The following RPL7 variants were observed in gnomAD, a reference collection of about 807,000 sequenced individuals.
RPL7 encodes the protein ribosomal protein L7, also known as large ribosomal subunit protein uL30.
For synonymous variants in RPL7, 100 were observed against 102.2 expected (o/e 0.98, Z 0.13); for missense variants, 205 against 301.9 (o/e 0.68, Z 2.38).
chr8:73,292,674 A>C lies in RPL7; in HGVS notation c.123+15T>G. On this transcript the variant is annotated intron_variant, in intron 2 of 6. Coordinates refer to ENST00000352983, the MANE Select transcript of RPL7 (RefSeq NM_000971.4). ...GCGCCTCCTTATGTGCTAGTGCCTC[A>C]AAAAGTTTACTTACCATCTTTTGGG... 6.3e-7 allele frequency: 1 copy of C among 1,598,724 alleles called. No homozygotes were observed. The highest frequency in any genetic ancestry group is 8.5e-7 in the Non-Finnish European group (1 of 1,170,740).
In RPL7 at chr8:73,293,108, A is replaced by G. The variant is rs78462556; in HGVS notation, c.15-311T>C. ...ACAAAAAAAACACACCAACACCCGA[A>G]TAACAAAATGTACTAGCTGAAAGAC... On this transcript the variant is annotated intron_variant, in intron 1 of 6. Coordinates refer to ENST00000352983, the MANE Select transcript of RPL7 (RefSeq NM_000971.4). 1,361 of 293,716 alleles carry G rather than the reference A, an allele frequency of 4.6e-3. 29 individuals carry two copies. Among genetic ancestry groups the G allele is most frequent in the East Asian group, 0.044 (727 of 16,372 alleles). 18.2% of individuals were successfully genotyped at this position (293,716 alleles called of 1,614,324 possible). A position where few individuals can be genotyped will look rare whatever the true frequency, so the allele number is the denominator to read the frequency against.
chr8:73,290,978 A>G, intron 6 of RPL7, 65 bp downstream of exon 6: 2 of 1,259,786 alleles, frequency 1.6e-6, no homozygotes, highest in Non-Finnish European at 2.3e-6. Flanking sequence ...TGGGAAAAGT[A>G]TTCAAGATTA....
intron 3 of RPL7, 71 bp downstream of exon 3, chr8:73,292,168 C>T (rs1814113428): frequency 5.0e-6 from 7 of 1,411,646 alleles, no homozygotes; most frequent in Non-Finnish European, 6.8e-6. Context: ...AGAATCAGGG[C>T]TCCCAGAAGT....
rs1194456029 is a variant in RPL7 at position 73,291,820 on chromosome 8, C to T, written c.381G>A (p.Lys127=). Residue 127 remains lysine, a synonymous_variant, in exon 4 of 7, where the codon AAG becomes AAA. Coordinates refer to ENST00000352983, the MANE Select transcript of RPL7 (RefSeq NM_000971.4). ...IFNGTFVKLN[K]ASINMLRIVE... ...CAATCCTCAGCATGTTAATCGAAGC[C>T]TTGTTGAGCTTCACAAAGGTTCCAT... 1 of 1,612,478 alleles carries T rather than the reference C, an allele frequency of 6.2e-7. No individual in the cohort carries two copies. The highest frequency in any genetic ancestry group is 2.2e-5 in the East Asian group (1 of 44,816).
chr8:73,291,439 C>G, intron 5 of RPL7, 113 bp downstream of exon 5: 1 of 922,512 alleles, frequency 1.1e-6, no homozygotes, highest in Non-Finnish European at 1.6e-6. Flanking sequence ...TAAGCTAAAT[C>G]AAGAATCATA....
chr8:73,292,675 A>G lies in RPL7; in HGVS notation c.123+14T>C, dbSNP rs1351023148. The G allele has an allele frequency of 1.2e-5, 20 of 1,600,682 alleles. No homozygotes were observed. The highest frequency in any genetic ancestry group is 1.7e-5 in the Non-Finnish European group (20 of 1,172,354). ...CGCCTCCTTATGTGCTAGTGCCTCA[A>G]AAAGTTTACTTACCATCTTTTGGGC... On this transcript the variant is annotated intron_variant, in intron 2 of 6. Transcript: ENST00000352983.
chr8:73,292,215 C>T (rs747887504), intron 3 of RPL7, 24 bp downstream of exon 3: 6 of 1,593,280 alleles, frequency 3.8e-6, no homozygotes, highest in East Asian at 4.5e-5. Flanking sequence ...CATTCAAACC[C>T]GAATGCAGTA....
At position 73,292,744 on chromosome 8, in the gene RPL7, C is replaced by G. The variant is rs944470333; in HGVS notation, c.68G>C (p.Arg23Thr). The stretch of plus-strand genomic sequence containing the variant: ...CTTGATCTTCAGCTCTGCGAAATTC[C>G]TTCGCTTTTTCTTAAGGGTTTCTGG... ...AVPETLKKKR[R>T]NFAELKIKRL... Residue 23 changes from arginine to threonine, a missense_variant, in exon 2 of 7, where the codon AGG (arginine) becomes ACG (threonine). By Grantham distance (71) the Arg-to-Thr change is moderately conservative (BLOSUM62 -1). Coordinates refer to ENST00000352983, the MANE Select transcript of RPL7 (RefSeq NM_000971.4). 2.9e-5 allele frequency: 47 copies of G among 1,613,656 alleles called. No homozygotes were observed. The highest frequency in any genetic ancestry group is 3.7e-5 in the Non-Finnish European group (44 of 1,179,952).
chr8:73,291,748 A>G (rs772482394), intron 4 of RPL7, 25 bp downstream of exon 4: 1 of 1,594,534 alleles, frequency 6.3e-7, no homozygotes, highest in East Asian at 2.3e-5. Flanking sequence ...TATCAAATAG[A>G]AATCAAAGGA....
chr8:73,293,260 G>A, intron 1 of RPL7: 1 of 286,322 alleles, frequency 3.5e-6, no homozygotes. Context: ...CTGGCGGCAG[G>A]GAGGCCTGTA....
upstream of RPL7, chr8:73,294,007 G>T (rs1490671345): frequency 5.4e-6 from 1 of 184,118 alleles, no homozygotes; most frequent in South Asian, 8.3e-5. Flanking sequence ...CGGCGGGAGG[G>T]CAACGGCTGA....
At chr8:73,291,978 A>C in intron 3 of RPL7, 68 bp from the exon 4 acceptor site, 4 of 1,568,514 alleles carry the variant, frequency 2.6e-6, no homozygotes, top group Non-Finnish European at 3.5e-6. Context: ...TAACCATTAT[A>C]GTTTTGAATA....
upstream of RPL7, chr8:73,294,190 C>T (rs979019093): frequency 4.5e-5 from 7 of 156,824 alleles, no homozygotes; most frequent in African/African-American, 1.7e-4. Flanking sequence ...AGGTCCTTGT[C>T]GTCGCTCCAG....
chr8:73,291,955 T>C, intron 3 of RPL7, 45 bp from the exon 4 acceptor site: 2 of 1,599,212 alleles, frequency 1.3e-6, no homozygotes, highest in Non-Finnish European at 1.7e-6. Flanking sequence ...TTCATCGAAA[T>C]TTTTATTAAT....
intron 2 of RPL7, 37 bp downstream of exon 2, chr8:73,292,652 C>T: frequency 6.9e-7 from 1 of 1,456,012 alleles, no homozygotes; most frequent in Middle Eastern, 2.1e-4. Flanking sequence ...CAATAAGGCG[C>T]CTCCTTATGT....
intron 1 of RPL7, chr8:73,293,397 C>T (rs1814159209): frequency 1.7e-6 from 1 of 586,302 alleles, no homozygotes. Flanking sequence ...CATCTCGTTC[C>T]CGGGATCTCC....
In RPL7 at chr8:73,292,249, T is replaced by G. The variant is rs1163426670; in HGVS notation, c.280A>C (p.Arg94=). 3.7e-6 allele frequency: 6 copies of G among 1,612,990 alleles called. No individual in the cohort carries two copies. The highest frequency in any genetic ancestry group is 5.1e-6 in the Non-Finnish European group (6 of 1,179,674). The change falls in exon 3 of 7, where the codon AGA becomes CGA. Residue 94 remains arginine (R), a synonymous_variant. Coordinates refer to ENST00000352983, the MANE Select transcript of RPL7 (RefSeq NM_000971.4). The part of the protein sequence containing the change: ...PAEPKLAFVI[R]IRGINGVSPK... ...TAAAACTGAACTTACCCTCTGATTC[T>G]GATGACAAACGCCAATTTGGGTTCT...
At chr8:73,293,539 C>T (rs1814165124) in intron 1 of RPL7, 60 bp downstream of exon 1, 2 of 1,605,154 alleles carry the variant, frequency 1.2e-6, no homozygotes, top group Admixed American at 3.4e-5. Flanking sequence ...AAAAGTGACA[C>T]AAAAAGTATC....
chr8:73,292,440 GCTCA>G (rs757062353), intron 2 of RPL7, 35 bp from the exon 3 acceptor site: 86 of 1,561,684 alleles, frequency 5.5e-5, no homozygotes, highest in South Asian at 1.3e-4. Context: ...ATAATTTTTA[GCTCA>G]ATCACAATTA....
Sources: gnomAD v4.1 joint callset for allele counts on GRCh38, gnomAD v4.1.1 for gene constraint, MANE v1.5 for transcripts, NCBI Gene and HGNC (gene_info 2026-07-23, HGNC 2026-07-21) for gene names.